GALNT13: variants seen among roughly 807,000 people sequenced by gnomAD.
GALNT13 encodes polypeptide N-acetylgalactosaminyltransferase 13.
Under a neutral mutation model 64.2 loss-of-function variants are expected in GALNT13, and 28 were observed. The observed-to-expected ratio is 0.44, with a 90% CI of 0.32 to 0.60. The LOEUF (loss-of-function observed/expected upper bound fraction) is 0.60. Among genes scored for constraint, GALNT13 ranks in the 20% least tolerant of loss-of-function variants. The pLI is 0.05. For missense variants in GALNT13, 577 were observed against 669.8 expected (o/e 0.86, Z 1.53); for synonymous variants, 214 against 224.6 (o/e 0.95, Z 0.42).
chr2:153,987,239 G>A (rs1480399133), intron 3 of GALNT13, among the ~76,000 whole-genome samples: 1 of 151,922 alleles, frequency 6.6e-6, no homozygotes, highest in Non-Finnish European at 1.5e-5. Flanking sequence ...AATCGGGCAA[G>A]TCTGTGGGAA....
the GALNT13 span, among the ~76,000 whole-genome samples, chr2:153,147,058 A>G: frequency 6.6e-6 from 1 of 151,872 alleles, no homozygotes; most frequent in Non-Finnish European, 1.5e-5. Flanking sequence ...GGTTAGTAGT[A>G]TCTCATTTTA....
chr2:153,964,528 T>C (rs1693192668), intron 3 of GALNT13, among the ~76,000 whole-genome samples: 1 of 152,176 alleles, frequency 6.6e-6, no homozygotes, highest in Admixed American at 6.5e-5. Flanking sequence ...ATGAATAATT[T>C]AGTTATGAAT....
At chr2:153,249,276 A>G in the GALNT13 span, among the ~76,000 whole-genome samples, 21 of 152,334 alleles carry the variant, frequency 1.4e-4, no homozygotes, top group Non-Finnish European at 2.4e-4. Flanking sequence ...CCCATTTACA[A>G]TTAGTATAAA....
chr2:153,070,788 A>C, the GALNT13 span, among the ~76,000 whole-genome samples: 1 of 152,154 alleles, frequency 6.6e-6, no homozygotes, highest in Non-Finnish European at 1.5e-5. Context: ...GTATATATTT[A>C]TTACGTTTAT....
the GALNT13 span, among the ~76,000 whole-genome samples, chr2:153,711,450 C>G: frequency 1.3e-5 from 2 of 152,116 alleles, no homozygotes; most frequent in African/African-American, 4.8e-5. Context: ...CTTTACATCT[C>G]TCATTGTAAT....
intron 9 of GALNT13, among the ~76,000 whole-genome samples, chr2:154,342,203 G>A (rs529052225): frequency 4.9e-4 from 75 of 151,984 alleles, no homozygotes; most frequent in Non-Finnish European, 9.9e-4. Context: ...TAATTTTAAG[G>A]TCAGGGCACA....
chr2:153,514,872 G>A, the GALNT13 span, among the ~76,000 whole-genome samples: 19 of 152,162 alleles, frequency 1.2e-4, 1 homozygote, highest in South Asian at 4.0e-3. Context: ...GTCAGTAATC[G>A]GGACGGGACA....
chr2:153,687,216 G>T, the GALNT13 span, among the ~76,000 whole-genome samples: 8 of 152,084 alleles, frequency 5.3e-5, no homozygotes, highest in East Asian at 1.4e-3. Flanking sequence ...CTGTAGCAAT[G>T]GTACCAGCTC....
At chr2:153,417,020 G>C in the GALNT13 span, among the ~76,000 whole-genome samples, 2 of 152,158 alleles carry the variant, frequency 1.3e-5, no homozygotes, top group Non-Finnish European at 2.9e-5. Context: ...GAAGTGCTAG[G>C]TCAGAAGTAG....
At chr2:153,717,576 T>C in the GALNT13 span, among the ~76,000 whole-genome samples, 1 of 152,242 alleles carries the variant, frequency 6.6e-6, no homozygotes, top group Non-Finnish European at 1.5e-5. Flanking sequence ...TTATTGCTTA[T>C]ATAAGACAAC....
At chr2:154,039,795 G>C (rs996553159) in intron 3 of GALNT13, among the ~76,000 whole-genome samples, 2 of 139,580 alleles carry the variant, frequency 1.4e-5, no homozygotes, top group Non-Finnish European at 3.3e-5. Flanking sequence ...AAAGAAATGA[G>C]AAATATTTGA....
At chr2:154,029,188 CAAA>C (rs10551254) in intron 3 of GALNT13, among the ~76,000 whole-genome samples, 123 of 134,272 alleles carry the variant, frequency 9.2e-4, no homozygotes, top group Non-Finnish European at 1.2e-3. Context: ...TTTTGTAAAT[CAAA>C]AAAAAAAAAA....
chr2:153,126,568 C>T, the GALNT13 span, among the ~76,000 whole-genome samples: 4 of 151,894 alleles, frequency 2.6e-5, no homozygotes, highest in Admixed American at 6.6e-5. Flanking sequence ...TCTAAGCCCA[C>T]GTCTTTCCAC....
the GALNT13 span, among the ~76,000 whole-genome samples, chr2:153,154,451 G>A: frequency 6.6e-6 from 1 of 152,084 alleles, no homozygotes; most frequent in Non-Finnish European, 1.5e-5. Context: ...GTAAGAAAAT[G>A]TACGAATACA....
At chr2:154,031,500 A>G (rs1414750073) in intron 3 of GALNT13, among the ~76,000 whole-genome samples, 4 of 152,036 alleles carry the variant, frequency 2.6e-5, no homozygotes, top group Non-Finnish European at 5.9e-5. Context: ...CCAAATATAT[A>G]CTGTGTACAA....
intron 3 of GALNT13, among the ~76,000 whole-genome samples, chr2:153,984,160 C>A (rs1694646863): frequency 6.6e-6 from 1 of 151,430 alleles, no homozygotes; most frequent in African/African-American, 2.4e-5. Flanking sequence ...GGAGGTTGTA[C>A]AATAATATAA....
the GALNT13 span, among the ~76,000 whole-genome samples, chr2:153,181,707 A>C: frequency 6.9e-6 from 1 of 145,642 alleles, no homozygotes; most frequent in Admixed American, 7.0e-5. Flanking sequence ...ATATTACATA[A>C]ATATAATTAT....
chr2:153,935,014 G>T (rs1344683426), intron 2 of GALNT13, among the ~76,000 whole-genome samples: 1 of 152,098 alleles, frequency 6.6e-6, no homozygotes, highest in Admixed American at 6.6e-5. Context: ...GACAGTGGCT[G>T]GGGTCAGATG....
intron 8 of GALNT13, among the ~76,000 whole-genome samples, chr2:154,277,543 A>G (rs1433798955): frequency 6.6e-6 from 1 of 152,166 alleles, no homozygotes; most frequent in African/African-American, 2.4e-5. Flanking sequence ...AAAGGAAACC[A>G]ATTATGAGAT....
Sources: gnomAD v4.1 joint callset for allele counts (sites outside exome capture counted in the v4.1 genomes callset) on GRCh38, gnomAD v4.1.1 for gene constraint, MANE v1.5 for transcripts, NCBI Gene and HGNC (gene_info 2026-07-23, HGNC 2026-07-21) for gene names.